The following ACAP2 variants were observed in gnomAD, a reference collection of about 807,000 sequenced individuals.
The protein encoded by ACAP2 is ArfGAP with coiled-coil, ankyrin repeat and PH domains 2, also known as arf-GAP with coiled-coil, ANK repeat and PH domain-containing protein 2.
Under a neutral mutation model 115.8 loss-of-function variants are expected in ACAP2, and 39 were observed. The ratio of observed to expected loss-of-function variants is 0.34; its 90% CI spans 0.26 to 0.44. The LOEUF is 0.44. Ranked by LOEUF, ACAP2 falls within the 20% of genes least tolerant of loss-of-function variation. The probability of loss-of-function intolerance (pLI) is 1.00; values close to 1 mark genes in which losing one functional copy is unlikely to be tolerated. For missense variants in ACAP2, 662 were observed against 927.6 expected (o/e 0.71, Z 3.72); for synonymous variants, 289 against 315.8 (o/e 0.92, Z 0.90).
rs781302316 is a variant in ACAP2, at chr3:195,308,840, A to G, written c.858-3T>C. 6.2e-7 allele frequency: 1 copy of G among 1,605,690 alleles called. No individual in the cohort carries two copies. Among genetic ancestry groups the G allele is most frequent in the Non-Finnish European group, 8.5e-7 (1 of 1,177,406 alleles). Reference sequence around the variant, plus strand: ...TATTCTGTATTGAAAACCAGCGCCTACAGAAACACAAAATAGATTAAGTTT... The same window carrying G: ...TATTCTGTATTGAAAACCAGCGCCTGCAGAAACACAAAATAGATTAAGTTT... On this transcript the variant is annotated splice_polypyrimidine_tract_variant and splice_region_variant and intron_variant, in intron 10 of 22. Coordinates refer to ENST00000326793, the MANE Select transcript of ACAP2 (RefSeq NM_012287.6).
At chr3:195,372,987 C>CAAAAAAAAAAAAAAAAAAAAAAAAAAAA (rs869134113) in intron 4 of ACAP2, among the ~76,000 whole-genome samples, 2 of 17,778 alleles carry the variant, frequency 1.1e-4, no homozygotes, top group South Asian at 1.2e-3. Flanking sequence ...GACTCCATCT[C>CAAAAAAAAAAAAAAAAAAAAAAAAAAAA]AAAAAAAAAA....
At chr3:195,370,141 C>G (rs899232745) in intron 4 of ACAP2, among the ~76,000 whole-genome samples, 1 of 152,118 alleles carries the variant, frequency 6.6e-6, no homozygotes, top group Non-Finnish European at 1.5e-5. Context: ...CTTACAGATT[C>G]TGGATATTAG....
intron 1 of ACAP2, among the ~76,000 whole-genome samples, chr3:195,404,480 C>G (rs1712570261): frequency 6.6e-6 from 1 of 151,854 alleles, no homozygotes; most frequent in South Asian, 2.1e-4. Context: ...TAAAAATGTT[C>G]CCAACTAGAT....
At chr3:195,429,635 G>T (rs1201077617) in intron 1 of ACAP2, among the ~76,000 whole-genome samples, 1 of 152,086 alleles carries the variant, frequency 6.6e-6, no homozygotes, top group Non-Finnish European at 1.5e-5. Context: ...AGGTGTAGGT[G>T]ACGGGTAGTG....
intron 10 of ACAP2, among the ~76,000 whole-genome samples, chr3:195,319,239 G>A (rs1423954566): frequency 1.3e-5 from 2 of 152,222 alleles, no homozygotes; most frequent in Non-Finnish European, 2.9e-5. Context: ...GTCTGCGGCA[G>A]GGGAGGAGCC....
At chr3:195,407,237 T>C (rs935784689) in intron 1 of ACAP2, among the ~76,000 whole-genome samples, 2 of 150,058 alleles carry the variant, frequency 1.3e-5, no homozygotes, top group East Asian at 1.9e-4. Context: ...TAGCTCCATG[T>C]CTATAATCCC....
intron 4 of ACAP2, among the ~76,000 whole-genome samples, chr3:195,360,797 CAAAAAAA>C (rs1732302651): frequency 7.1e-6 from 1 of 141,790 alleles, no homozygotes; most frequent in Non-Finnish European, 1.5e-5. Context: ...GACTCCATCT[CAAAAAAA>C]TAAAAAAAAA....
intron 1 of ACAP2, among the ~76,000 whole-genome samples, chr3:195,422,678 A>C (rs1714283617): frequency 6.6e-6 from 1 of 151,974 alleles, no homozygotes; most frequent in South Asian, 2.1e-4. Flanking sequence ...AAGTCGTGCC[A>C]TGTTGCCCAG....
chr3:195,349,682 G>A (rs1731417224), intron 4 of ACAP2: 1 of 168,540 alleles, frequency 5.9e-6, no homozygotes, highest in African/African-American at 2.4e-5. Context: ...ACAAAGATGG[G>A]CGGCAAGAAG....
chr3:195,284,909 C>G (rs1196146713), intron 22 of ACAP2, among the ~76,000 whole-genome samples: 2 of 152,150 alleles, frequency 1.3e-5, no homozygotes, highest in African/African-American at 4.8e-5. Flanking sequence ...TTACTCTCTT[C>G]TTTGTGAAGA....
intron 4 of ACAP2, among the ~76,000 whole-genome samples, chr3:195,362,786 T>C (rs1732457789): frequency 6.6e-6 from 1 of 152,138 alleles, no homozygotes; most frequent in Non-Finnish European, 1.5e-5. Context: ...CTCAAAAAAC[T>C]GGGTATAGAA....
At chr3:195,430,041 C>T (rs1309526367) in intron 1 of ACAP2, among the ~76,000 whole-genome samples, 1 of 152,058 alleles carries the variant, frequency 6.6e-6, no homozygotes, top group Non-Finnish European at 1.5e-5. Flanking sequence ...TGCAAAATGC[C>T]AGGAAAGCAA....
At chr3:195,287,267 G>A (rs1333663316) in intron 21 of ACAP2, among the ~76,000 whole-genome samples, 2 of 152,184 alleles carry the variant, frequency 1.3e-5, no homozygotes, top group African/African-American at 2.4e-5. Context: ...TGAATTCCAT[G>A]TGTAATAAAC....
At chr3:195,396,142 T>C (rs1263318778) in intron 1 of ACAP2, among the ~76,000 whole-genome samples, 2 of 151,658 alleles carry the variant, frequency 1.3e-5, no homozygotes, top group South Asian at 2.1e-4. Flanking sequence ...TCCCAGCTAC[T>C]AGGGAGGCTG....
rs33951107 is a variant in ACAP2 at position 195,298,252 on chromosome 3, C to CT, written c.1396-972dup. 1.4e-3 allele frequency among the ~76,000 whole-genome samples: 157 copies of CT among 109,940 alleles called. 2 individuals are homozygous for CT. Among genetic ancestry groups the CT allele is most frequent in the East Asian group, 3.0e-3 (12 of 3,944 alleles). 72.1% of individuals were successfully genotyped at this position (109,940 alleles called of 152,430 possible). On this transcript the variant is annotated intron_variant, in intron 15 of 22. Coordinates refer to ENST00000326793, the MANE Select transcript of ACAP2 (RefSeq NM_012287.6). Reference sequence around the variant, plus strand: ...AGAGAATGGTTTCCCTTTCTCTCCTCTTTTTTTTTTTTTTTTTTTTTGAGA... The same window carrying CT: ...AGAGAATGGTTTCCCTTTCTCTCCTCTTTTTTTTTTTTTTTTTTTTTTGAGA...
chr3:195,306,649 A>T (rs1728440378), intron 12 of ACAP2, 33 bp from the exon 13 acceptor site: 1 of 1,538,452 alleles, frequency 6.5e-7, no homozygotes, highest in Non-Finnish European at 8.9e-7. Context: ...TTTCTCAGAC[A>T]CTAAGTTAAT....
At chr3:195,418,380 C>T (rs571119250) in intron 1 of ACAP2, among the ~76,000 whole-genome samples, 69 of 152,246 alleles carry the variant, frequency 4.5e-4, no homozygotes, top group Admixed American at 9.8e-4. Context: ...GTCTTGCTCA[C>T]CATTAAAGCT....
chr3:195,385,624 G>A (rs1432821814), intron 2 of ACAP2, among the ~76,000 whole-genome samples: 1 of 151,946 alleles, frequency 6.6e-6, no homozygotes, highest in Non-Finnish European at 1.5e-5. Context: ...AAGAGACAAG[G>A]TCATCTGTTG....
intron 19 of ACAP2, 39 bp from the exon 20 acceptor site, chr3:195,291,854 A>T: frequency 1.3e-6 from 2 of 1,528,036 alleles, no homozygotes; most frequent in Non-Finnish European, 1.8e-6. Context: ...ACAAAAGCAA[A>T]TAACAAGAAA....
Sources: gnomAD v4.1 joint callset for allele counts (sites outside exome capture counted in the v4.1 genomes callset) on GRCh38, gnomAD v4.1.1 for gene constraint, MANE v1.5 for transcripts, NCBI Gene and HGNC (gene_info 2026-07-23, HGNC 2026-07-21) for gene names.